Variants in PHLPP1 observed in about 807,000 individuals in gnomAD.
PHLPP1 encodes the protein PH domain and leucine rich repeat protein phosphatase 1, also known as PH domain leucine-rich repeat-containing protein phosphatase 1.
In PHLPP1, 42 loss-of-function variants were observed where a neutral mutation model predicts 117.2. That is an observed-to-expected ratio of 0.36 (90% CI 0.28 to 0.46). PHLPP1 has a LOEUF of 0.46. Ranked by LOEUF, PHLPP1 falls within the 20% of genes least tolerant of loss-of-function variation. PHLPP1 has a pLI of 1.00. For synonymous variants in PHLPP1, 1,042 were observed against 970.7 expected (o/e 1.07, Z -1.37); for missense variants, 2,084 against 2,241.9 (o/e 0.93, Z 1.42).
chr18:62,798,595 A>G (rs1042626454), intron 1 of PHLPP1, among the ~76,000 whole-genome samples: 20 of 152,226 alleles, frequency 1.3e-4, no homozygotes, highest in Non-Finnish European at 2.9e-5. Flanking sequence ...TATGTTGTTG[A>G]AGTATTTGCA....
chr18:62,867,252 A>G (rs1915793454), intron 4 of PHLPP1, among the ~76,000 whole-genome samples: 1 of 151,998 alleles, frequency 6.6e-6, no homozygotes, highest in South Asian at 2.1e-4. Context: ...TTATGTGTAT[A>G]CTGCTATGTT....
At chr18:62,805,284 A>G (rs2860471) in intron 1 of PHLPP1, among the ~76,000 whole-genome samples, 11,930 of 120,622 alleles carry the variant, frequency 0.099, 987 homozygotes, top group Non-Finnish European at 0.12. Context: ...CATATACAGT[A>G]TAATATACAC....
intron 1 of PHLPP1, among the ~76,000 whole-genome samples, chr18:62,818,161 A>G (rs547070925): frequency 6.6e-6 from 1 of 152,220 alleles, no homozygotes; most frequent in African/African-American, 2.4e-5. Context: ...CTTGACAGAA[A>G]CATTGAACAC....
At chr18:62,874,978 G>A (rs576071202) in intron 4 of PHLPP1, among the ~76,000 whole-genome samples, 6 of 152,200 alleles carry the variant, frequency 3.9e-5, no homozygotes, top group African/African-American at 4.8e-5. Flanking sequence ...TATTTGAGAC[G>A]GAGTCTCGCT....
At chr18:62,926,223 C>CA (rs988819997) in intron 10 of PHLPP1, among the ~76,000 whole-genome samples, 2 of 152,016 alleles carry the variant, frequency 1.3e-5, no homozygotes, top group African/African-American at 2.4e-5. Context: ...CTATTTCTCC[C>CA]AAAAAAATCT....
intron 6 of PHLPP1, among the ~76,000 whole-genome samples, chr18:62,897,637 G>A (rs1024622157): frequency 6.6e-6 from 1 of 152,130 alleles, no homozygotes; most frequent in Non-Finnish European, 1.5e-5. Context: ...CTCCCGAGTA[G>A]CTGGGATTAC....
At chr18:62,866,010 C>G (rs1915761713) in intron 4 of PHLPP1, among the ~76,000 whole-genome samples, 1 of 152,082 alleles carries the variant, frequency 6.6e-6, no homozygotes, top group Admixed American at 6.6e-5. Flanking sequence ...AACAAACCTG[C>G]TCATGTAGCT....
At chr18:62,730,506 A>G (rs548165575) in intron 1 of PHLPP1, among the ~76,000 whole-genome samples, 2 of 150,242 alleles carry the variant, frequency 1.3e-5, no homozygotes, top group Non-Finnish European at 3.0e-5. Flanking sequence ...AGAGAGAGAG[A>G]AAAAAAAAGG....
intron 1 of PHLPP1, among the ~76,000 whole-genome samples, chr18:62,735,385 A>G (rs992055654): frequency 4.6e-5 from 7 of 152,104 alleles, no homozygotes; most frequent in Admixed American, 4.6e-4. Flanking sequence ...TGCCTGGCCG[A>G]GGATGTCATT....
intron 4 of PHLPP1, among the ~76,000 whole-genome samples, chr18:62,878,229 C>A (rs1281011701): frequency 3.3e-5 from 5 of 152,254 alleles, no homozygotes; most frequent in African/African-American, 1.2e-4. Context: ...GTAAAAGGAC[C>A]AAACTGATGC....
intron 1 of PHLPP1, among the ~76,000 whole-genome samples, chr18:62,737,638 G>A (rs1056897582): frequency 6.6e-6 from 1 of 152,212 alleles, no homozygotes; most frequent in African/African-American, 2.4e-5. Context: ...CTTGGAATGT[G>A]CTGCTTGTGA....
intron 10 of PHLPP1, among the ~76,000 whole-genome samples, chr18:62,931,878 G>GAAA (rs61550621): frequency 7.7e-4 from 59 of 76,432 alleles, no homozygotes; most frequent in East Asian, 1.2e-3. Flanking sequence ...CTGGGCGACA[G>GAAA]AAAAAAAAAA....
At chr18:62,924,027 C>T (rs1909551830) in intron 10 of PHLPP1, among the ~76,000 whole-genome samples, 2 of 152,020 alleles carry the variant, frequency 1.3e-5, no homozygotes, top group Admixed American at 6.5e-5. Context: ...AGCTTACAAT[C>T]GAATGAAGAG....
At chr18:62,859,433 A>G (rs1174385993) in intron 3 of PHLPP1, among the ~76,000 whole-genome samples, 1 of 152,218 alleles carries the variant, frequency 6.6e-6, no homozygotes, top group Non-Finnish European at 1.5e-5. Context: ...ATCTGGATAA[A>G]TATTTAGACA....
Position 62,914,902 on chromosome 18 carries a change from C to T in PHLPP1, c.2709-11C>T. 6.2e-7 allele frequency: 1 copy of T among 1,602,424 alleles called. No individual in the cohort carries two copies. Among genetic ancestry groups the T allele is most frequent in the South Asian group, 1.1e-5 (1 of 90,490 alleles). ...AAATTCAACCAATTACTTTTATGTT[C>T]TTGCATTTAGGAACCGCTTAGAAAA... On this transcript the variant is annotated splice_polypyrimidine_tract_variant and intron_variant, in intron 8 of 16. Coordinates refer to ENST00000262719, the MANE Select transcript of PHLPP1 (RefSeq NM_194449.4).
rs965115829 is a variant in PHLPP1, at chr18:62,858,092, T to C, written c.1900-2343T>C. On this transcript the variant is annotated intron_variant, in intron 3 of 16. Transcript: ENST00000262719. The stretch of plus-strand genomic sequence containing the variant: ...CCTGTTTGGAAGTTTCTTTTTCTTA[T>C]TTAATGGTGAAAATTCACAGAAAGA... 5.3e-5 allele frequency among the ~76,000 whole-genome samples: 8 copies of C among 152,288 alleles called. No individual in the cohort carries two copies. In the South Asian group the frequency reaches 1.5e-3, roughly 28 times the overall value.
At chr18:62,762,340 A>T (rs887093793) in intron 1 of PHLPP1, among the ~76,000 whole-genome samples, 7 of 133,718 alleles carry the variant, frequency 5.2e-5, no homozygotes, top group African/African-American at 1.0e-4. Flanking sequence ...TGTAATTATT[A>T]AAAAAAAAAA....
intron 1 of PHLPP1, among the ~76,000 whole-genome samples, chr18:62,778,239 T>C (rs1394367533): frequency 2.0e-5 from 3 of 152,188 alleles, no homozygotes; most frequent in African/African-American, 7.2e-5. Context: ...GAGACTTTTT[T>C]TGAGGGAATA....
chr18:62,798,601 T>G (rs2144297387), intron 1 of PHLPP1, among the ~76,000 whole-genome samples: 1 of 152,340 alleles, frequency 6.6e-6, no homozygotes, highest in Non-Finnish European at 1.5e-5. Flanking sequence ...GTTGAAGTAT[T>G]TGCATTATGA....
Sources: allele counts gnomAD v4.1 joint callset (sites outside exome capture counted in the v4.1 genomes callset), GRCh38; gene constraint gnomAD v4.1.1; transcripts MANE v1.5; gene names NCBI Gene and HGNC (gene_info 2026-07-23, HGNC 2026-07-21).